The following ADARB2 variants were observed in gnomAD, a reference collection of about 807,000 sequenced individuals.
ADARB2 encodes inactive double-stranded RNA-specific editase B2.
In ADARB2, 25 loss-of-function variants were observed where a neutral mutation model predicts 62.2. That is an observed-to-expected ratio of 0.40 (90% CI 0.29 to 0.56). The LOEUF is 0.56. ADARB2 is among the 20% of genes least tolerant of loss of function. The pLI, the probability that ADARB2 is intolerant of heterozygous loss-of-function variation, is 0.43. For missense variants in ADARB2, 1,071 were observed against 1,077.4 expected (o/e 0.99, Z 0.08); for synonymous variants, 572 against 500.8 (o/e 1.14, Z -1.90).
At chr10:1,504,998 A>G (rs905973123) in intron 1 of ADARB2, among the ~76,000 whole-genome samples, 8 of 151,866 alleles carry the variant, frequency 5.3e-5, no homozygotes, top group African/African-American at 9.7e-5. Flanking sequence ...ATGCACACAC[A>G]TGCACACATG....
At chr10:1,302,343 C>T (rs202093689) in intron 3 of ADARB2, among the ~76,000 whole-genome samples, 3 of 149,878 alleles carry the variant, frequency 2.0e-5, no homozygotes, top group Non-Finnish European at 3.0e-5. Context: ...CGGCGCACCA[C>T]GAGATTATAT....
intron 1 of ADARB2, among the ~76,000 whole-genome samples, chr10:1,627,498 C>T (rs76735646): frequency 0.11 from 16,993 of 152,164 alleles, 1,103 homozygotes; most frequent in Non-Finnish European, 0.15. Flanking sequence ...AATCTCAGTC[C>T]TTGCACAGAC....
intron 1 of ADARB2, among the ~76,000 whole-genome samples, chr10:1,624,569 G>A (rs907469554): frequency 6.6e-6 from 1 of 152,132 alleles, no homozygotes; most frequent in Non-Finnish European, 1.5e-5. Flanking sequence ...CAAACTGAGC[G>A]AAACTCACGA....
At chr10:1,625,386 C>A (rs1833754395) in intron 1 of ADARB2, among the ~76,000 whole-genome samples, 2 of 152,196 alleles carry the variant, frequency 1.3e-5, no homozygotes, top group Non-Finnish European at 2.9e-5. Flanking sequence ...GAGGGCTGGC[C>A]CATCAGGGGC....
chr10:1,625,413 G>A (rs1040778202), intron 1 of ADARB2, among the ~76,000 whole-genome samples: 2 of 152,256 alleles, frequency 1.3e-5, no homozygotes, highest in Non-Finnish European at 2.9e-5. Context: ...CAGGGACTGA[G>A]GTTTGCACCT....
At chr10:1,275,810 A>T (rs572190212) in intron 3 of ADARB2, among the ~76,000 whole-genome samples, 111 of 152,096 alleles carry the variant, frequency 7.3e-4, no homozygotes, top group African/African-American at 2.1e-3. Flanking sequence ...TCCAGCTTCA[A>T]CCATGTCCCT....
intron 1 of ADARB2, among the ~76,000 whole-genome samples, chr10:1,494,077 T>G (rs1407827103): frequency 1.3e-5 from 2 of 152,124 alleles, no homozygotes; most frequent in African/African-American, 4.8e-5. Context: ...TTATGCCAAG[T>G]ATAGTACCTG....
intron 3 of ADARB2, among the ~76,000 whole-genome samples, chr10:1,345,492 C>T (rs1832072573): frequency 6.6e-6 from 1 of 152,190 alleles, no homozygotes; most frequent in South Asian, 2.1e-4. Context: ...GTGGACACTC[C>T]TGTGACCACA....
intron 1 of ADARB2, among the ~76,000 whole-genome samples, chr10:1,672,088 A>G (rs888839078): frequency 2.2e-5 from 3 of 135,562 alleles, no homozygotes; most frequent in African/African-American, 5.9e-5. Flanking sequence ...TCAGTGTGTG[A>G]GGTGGGCATC....
intron 3 of ADARB2, among the ~76,000 whole-genome samples, chr10:1,274,490 G>A (rs1831295452): frequency 1.3e-5 from 2 of 152,022 alleles, no homozygotes; most frequent in Admixed American, 6.5e-5. Flanking sequence ...AGTTTCAAAT[G>A]TCTAAGAAGT....
At chr10:1,221,710 T>C (rs887120893) in intron 6 of ADARB2, among the ~76,000 whole-genome samples, 2 of 152,166 alleles carry the variant, frequency 1.3e-5, no homozygotes, top group African/African-American at 4.8e-5. Context: ...GAATGATGGT[T>C]TCCAGTTTCA....
chr10:1,193,406 G>A (rs977413861), intron 8 of ADARB2, among the ~76,000 whole-genome samples: 2 of 152,172 alleles, frequency 1.3e-5, no homozygotes, highest in African/African-American at 2.4e-5. Context: ...TTTGGCTTCT[G>A]TAAGGATTGT....
At chr10:1,467,555 C>T (rs1831268247) in intron 1 of ADARB2, among the ~76,000 whole-genome samples, 1 of 152,162 alleles carries the variant, frequency 6.6e-6, no homozygotes, top group African/African-American at 2.4e-5. Context: ...GGCAAGTTGA[C>T]AAATCCAAAG....
intron 2 of ADARB2, among the ~76,000 whole-genome samples, chr10:1,376,008 A>T (rs550297633): frequency 3.3e-5 from 5 of 151,558 alleles, no homozygotes; most frequent in Admixed American, 2.6e-4. Context: ...TGACACATAT[A>T]CACGTGAACT....
chr10:1,194,289 C>T (rs1836878160), intron 8 of ADARB2, among the ~76,000 whole-genome samples: 1 of 152,176 alleles, frequency 6.6e-6, no homozygotes, highest in South Asian at 2.1e-4. Context: ...TGCTGAAGGC[C>T]TGAAGAGCAA....
intron 1 of ADARB2, among the ~76,000 whole-genome samples, chr10:1,490,693 G>A (rs1831611028): frequency 6.6e-6 from 1 of 152,088 alleles, no homozygotes; most frequent in Non-Finnish European, 1.5e-5. Flanking sequence ...GACCTCAAGT[G>A]ATCTGCTCTC....
intron 3 of ADARB2, among the ~76,000 whole-genome samples, chr10:1,353,653 G>A (rs982105544): frequency 1.2e-4 from 18 of 151,648 alleles, no homozygotes; most frequent in South Asian, 8.5e-4. Context: ...TGGCCACTCC[G>A]TTATGTATCT....
intron 1 of ADARB2, among the ~76,000 whole-genome samples, chr10:1,410,419 C>A (rs956009611): frequency 6.6e-6 from 1 of 152,286 alleles, no homozygotes; most frequent in East Asian, 1.9e-4. Context: ...AGGTTTGGGC[C>A]AGAGGACTTC....
intron 1 of ADARB2, among the ~76,000 whole-genome samples, chr10:1,445,620 C>G (rs912016862): frequency 1.3e-5 from 2 of 152,316 alleles, no homozygotes; most frequent in Middle Eastern, 6.8e-3. Context: ...GTGAGGAAAT[C>G]AGAAATTTAA....
Sources: gnomAD v4.1 joint callset for allele counts (sites outside exome capture counted in the v4.1 genomes callset) on GRCh38, gnomAD v4.1.1 for gene constraint, MANE v1.5 for transcripts, NCBI Gene and HGNC (gene_info 2026-07-23, HGNC 2026-07-21) for gene names.